Variants in FSTL4 observed in about 807,000 individuals in gnomAD.
FSTL4 encodes the protein follistatin like 4.
FSTL4 carries 28 observed loss-of-function variants against 78.2 expected under a neutral mutation model. The observed-to-expected ratio is 0.36, with a 90% CI of 0.27 to 0.49. The LOEUF is 0.49. Ranked by LOEUF, FSTL4 falls within the 20% of genes least tolerant of loss-of-function variation. The pLI is 0.98. For missense variants in FSTL4, 922 were observed against 1,084.9 expected (o/e 0.85, Z 2.11); for synonymous variants, 422 against 440.5 (o/e 0.96, Z 0.53).
rs559636527 is a variant in FSTL4, at chr5:133,338,544, A to G, written c.410-21892T>C. Among the ~76,000 whole-genome samples the G allele has an allele frequency of 6.4e-4, 97 of 152,158 alleles. No homozygotes were observed. Among genetic ancestry groups the G allele is most frequent in the Non-Finnish European group, 9.6e-4 (65 of 67,992 alleles). ...CCCCCATGGATACTCGGTTCCCTCA[A>G]TCGAGGCTGGTGCAGGGGAAGCTTG... is the stretch of plus-strand genomic sequence containing the variant. On this transcript the variant is annotated intron_variant, in intron 4 of 15. Coordinates refer to ENST00000265342, the MANE Select transcript of FSTL4 (RefSeq NM_015082.2). The surrounding 1 kb of genome is among the most constrained non-coding windows in gnomAD (Gnocchi z 4.0).
chr5:133,624,344 C>T, the FSTL4 span, among the ~76,000 whole-genome samples: 2 of 151,862 alleles, frequency 1.3e-5, no homozygotes, highest in African/African-American at 2.4e-5. Context: ...AAGGCATACA[C>T]AAAATGTCAC....
chr5:133,374,724 T>G (rs1363634412), intron 4 of FSTL4, among the ~76,000 whole-genome samples: 2 of 147,188 alleles, frequency 1.4e-5, no homozygotes, highest in Admixed American at 6.8e-5. Context: ...GAAGAGATGA[T>G]CTCTCTCTCT....
intron 13 of FSTL4, 26 bp downstream of exon 13, chr5:133,217,203 T>A: frequency 6.3e-7 from 1 of 1,592,058 alleles, no homozygotes. Flanking sequence ...ATTTGAAGTT[T>A]TCCTCACTCC....
intron 4 of FSTL4, among the ~76,000 whole-genome samples, chr5:133,337,983 A>G (rs1754501493): frequency 6.6e-6 from 1 of 152,138 alleles, no homozygotes; most frequent in Non-Finnish European, 1.5e-5. Context: ...GTGTGGCCTT[A>G]GATGAGGGGG....
chr5:133,722,100 C>A, the FSTL4 span, among the ~76,000 whole-genome samples: 1 of 152,166 alleles, frequency 6.6e-6, no homozygotes, highest in Admixed American at 6.5e-5. Flanking sequence ...GGGCCACAGA[C>A]CAGTACCAGT....
intron 3 of FSTL4, among the ~76,000 whole-genome samples, chr5:133,412,177 G>T (rs1169189366): frequency 2.0e-5 from 3 of 152,060 alleles, no homozygotes; most frequent in Non-Finnish European, 2.9e-5. Flanking sequence ...AGTAATAAGT[G>T]CCCCCAGATA....
chr5:133,435,579 A>G (rs772004746), intron 3 of FSTL4, among the ~76,000 whole-genome samples: 1 of 152,230 alleles, frequency 6.6e-6, no homozygotes, highest in Non-Finnish European at 1.5e-5. Context: ...TTGGCCCAGT[A>G]CCATTTGAAA....
intron 3 of FSTL4, among the ~76,000 whole-genome samples, chr5:133,543,606 C>A (rs981226522): frequency 6.6e-6 from 1 of 152,064 alleles, no homozygotes; most frequent in South Asian, 2.1e-4. Flanking sequence ...ATACCTATAC[C>A]AGGCTCTTTC....
At chr5:133,773,781 C>G in the FSTL4 span, among the ~76,000 whole-genome samples, 1 of 152,096 alleles carries the variant, frequency 6.6e-6, no homozygotes, top group Non-Finnish European at 1.5e-5. Context: ...TCACTTTTCT[C>G]CTGACTTTTA....
intron 3 of FSTL4, among the ~76,000 whole-genome samples, chr5:133,524,228 G>A (rs528483035): frequency 6.6e-6 from 1 of 152,302 alleles, no homozygotes; most frequent in African/African-American, 2.4e-5. Flanking sequence ...GAGACAGGCA[G>A]GCAGAGGTGA....
the FSTL4 span, among the ~76,000 whole-genome samples, chr5:133,640,991 C>T: frequency 1.3e-5 from 2 of 152,182 alleles, no homozygotes; most frequent in Admixed American, 1.3e-4. Context: ...CTCTTGCTTT[C>T]CTTGGCAGGG....
chr5:133,661,692 G>C, the FSTL4 span, among the ~76,000 whole-genome samples: 1 of 152,166 alleles, frequency 6.6e-6, no homozygotes, highest in Non-Finnish European at 1.5e-5. Context: ...GTTTCCAATG[G>C]ATGTATAATA....
the FSTL4 span, among the ~76,000 whole-genome samples, chr5:133,700,488 AG>A: frequency 5.9e-5 from 9 of 152,316 alleles, 1 homozygote; most frequent in South Asian, 1.9e-3. Context: ...CCACACCAAA[AG>A]TTTCTGCTCA....
intron 4 of FSTL4, among the ~76,000 whole-genome samples, chr5:133,356,107 G>A (rs977220293): frequency 1.7e-4 from 26 of 152,346 alleles, no homozygotes; most frequent in African/African-American, 3.8e-4. Flanking sequence ...GGCTAAGGGG[G>A]CTGTGCTGTA....
At chr5:133,700,729 C>T in the FSTL4 span, among the ~76,000 whole-genome samples, 83 of 152,266 alleles carry the variant, frequency 5.5e-4, no homozygotes, top group African/African-American at 1.8e-3. Flanking sequence ...TGTGACCTCT[C>T]AGGGCCTCGG....
chr5:133,761,736 C>A, the FSTL4 span, among the ~76,000 whole-genome samples: 1 of 152,136 alleles, frequency 6.6e-6, no homozygotes, highest in Non-Finnish European at 1.5e-5. Flanking sequence ...GCTGGAGGTG[C>A]TTGACAGCTA....
chr5:133,680,067 T>TA, the FSTL4 span, among the ~76,000 whole-genome samples: 3 of 152,152 alleles, frequency 2.0e-5, no homozygotes, highest in African/African-American at 4.8e-5. Flanking sequence ...TTTGTTTCTG[T>TA]AAATCATAAA....
chr5:133,203,393 C>A (rs1237810394), intron 14 of FSTL4, among the ~76,000 whole-genome samples: 2 of 152,150 alleles, frequency 1.3e-5, no homozygotes, highest in Admixed American at 6.5e-5. Context: ...TGCCTTCTGG[C>A]TTTTACTTTT....
the FSTL4 span, among the ~76,000 whole-genome samples, chr5:133,799,008 G>A: frequency 4.6e-5 from 4 of 86,832 alleles, 1 homozygote; most frequent in Non-Finnish European, 1.1e-4. Context: ...GAGAGAGAGG[G>A]GAAGGGAAGG....
Sources: allele counts gnomAD v4.1 joint callset (sites outside exome capture counted in the v4.1 genomes callset), GRCh38; gene constraint gnomAD v4.1.1; non-coding constraint Gnocchi (gnomAD v3.1); transcripts MANE v1.5; gene names NCBI Gene and HGNC (gene_info 2026-07-23, HGNC 2026-07-21).